The following PAX5 variants were observed in gnomAD, a reference collection of about 807,000 sequenced individuals.
PAX5 encodes paired box 5.
In PAX5, 9 loss-of-function variants were observed where a neutral mutation model predicts 43.7. The observed-to-expected ratio is 0.21, with a 90% CI of 0.12 to 0.36. PAX5 has a LOEUF of 0.36. Among genes scored for constraint, PAX5 ranks in the 10% least tolerant of loss-of-function variants. The pLI, the probability that PAX5 is intolerant of heterozygous loss-of-function variation, is 1.00. For missense variants in PAX5, 383 were observed against 532.7 expected (o/e 0.72, Z 2.77); for synonymous variants, 228 against 214.3 (o/e 1.06, Z -0.56).
Position 36,934,931 on chromosome 9 carries a change from TG to T in PAX5, c.781-11448del, listed in dbSNP as rs1260170153. Reference sequence around the variant, plus strand: ...ATGAACTTGGACAGGTACCATGGCCTGGCTCTTCCAACGGTGCCAGAGGTGC... The same window carrying T: ...ATGAACTTGGACAGGTACCATGGCCTGCTCTTCCAACGGTGCCAGAGGTGC... On this transcript the variant is annotated intron_variant, in intron 6 of 9. Coordinates refer to ENST00000358127, the MANE Select transcript of PAX5 (RefSeq NM_016734.3). Among the ~76,000 whole-genome samples the T allele has an allele frequency of 2.6e-5, 4 of 152,352 alleles. No homozygotes were observed. In the East Asian group the frequency reaches 7.7e-4, roughly 29 times the overall value.
In PAX5 at chr9:36,834,192, G is replaced by A; in HGVS notation, c.*6368C>T. On this transcript the variant is annotated 3_prime_UTR_variant, in exon 10 of 10. Coordinates refer to ENST00000358127, the MANE Select transcript of PAX5 (RefSeq NM_016734.3). ...GAGGCCCAGCAGCTGGGGCTGAGAA[G>A]TGGGGCCCAGGCAACGCCAGGCCCT... The A allele has an allele frequency of 4.3e-6, 1 of 233,338 alleles. No homozygotes were observed. The allele number at this position is 233,338 out of a possible 1,614,324, so 14.5% of individuals were successfully genotyped here. A position where few individuals can be genotyped will look rare whatever the true frequency, so the allele number is the denominator to read the frequency against.
At chr9:36,927,985 C>T (rs1221789427) in intron 6 of PAX5, among the ~76,000 whole-genome samples, 1 of 152,230 alleles carries the variant, frequency 6.6e-6, no homozygotes, top group Non-Finnish European at 1.5e-5. Flanking sequence ...GCTGGGATTA[C>T]AGGCATGAGC....
intron 6 of PAX5, among the ~76,000 whole-genome samples, chr9:36,939,404 G>T (rs1170542111): frequency 6.6e-6 from 1 of 152,132 alleles, no homozygotes; most frequent in Non-Finnish European, 1.5e-5. Context: ...ACCCTGGGTA[G>T]GCCCTGCTGA....
At chr9:36,942,158 G>A (rs1832106143) in intron 6 of PAX5, among the ~76,000 whole-genome samples, 1 of 152,198 alleles carries the variant, frequency 6.6e-6, no homozygotes. Context: ...AAAGGACCCA[G>A]GCCTCCTAGG....
chr9:37,004,179 A>G (rs947347657), intron 4 of PAX5, among the ~76,000 whole-genome samples: 1 of 152,234 alleles, frequency 6.6e-6, no homozygotes, highest in Non-Finnish European at 1.5e-5. Context: ...ATTGTGACTG[A>G]GGCTAGGTCT....
chr9:36,847,584 A>G (rs552445273), intron 8 of PAX5, among the ~76,000 whole-genome samples: 1 of 152,346 alleles, frequency 6.6e-6, no homozygotes, highest in African/African-American at 2.4e-5. Context: ...AGGGGAGCAC[A>G]GAAGAGGGAG....
At chr9:36,979,725 C>T (rs1835750602) in intron 5 of PAX5, among the ~76,000 whole-genome samples, 1 of 152,186 alleles carries the variant, frequency 6.6e-6, no homozygotes, top group African/African-American at 2.4e-5. Flanking sequence ...CCTTGTACCC[C>T]AGTGAGGCCA....
At chr9:37,009,542 C>T (rs117591097) in intron 3 of PAX5, among the ~76,000 whole-genome samples, 1 of 151,814 alleles carries the variant, frequency 6.6e-6, no homozygotes, top group Non-Finnish European at 1.5e-5. Flanking sequence ...AAGCACAAGG[C>T]GAGGGCGGTG....
intron 8 of PAX5, among the ~76,000 whole-genome samples, chr9:36,862,718 C>A (rs897532394): frequency 1.2e-4 from 19 of 152,132 alleles, no homozygotes; most frequent in Admixed American, 3.9e-4. Context: ...CCCGTCTTGG[C>A]CCACAGGTTC....
At chr9:36,933,654 A>G (rs1831312338) in intron 6 of PAX5, among the ~76,000 whole-genome samples, 1 of 152,222 alleles carries the variant, frequency 6.6e-6, no homozygotes, top group Non-Finnish European at 1.5e-5. Flanking sequence ...CCACACACCC[A>G]CTATCCTCCT....
intron 8 of PAX5, among the ~76,000 whole-genome samples, chr9:36,857,993 A>G (rs1587775877): frequency 6.6e-6 from 1 of 152,238 alleles, no homozygotes; most frequent in South Asian, 2.1e-4. Context: ...GAGGTGGTGG[A>G]AAGCCCCTGG....
At chr9:36,848,579 T>C (rs1822829608) in intron 8 of PAX5, among the ~76,000 whole-genome samples, 1 of 151,986 alleles carries the variant, frequency 6.6e-6, no homozygotes, top group South Asian at 2.1e-4. Flanking sequence ...CCTCCTCAGG[T>C]GGGGGAGTAG....
Position 36,833,326 on chromosome 9 carries a change from A to G in PAX5, c.*7234T>C, listed in dbSNP as rs893250084. On this transcript the variant is annotated 3_prime_UTR_variant, in exon 10 of 10. Transcript: ENST00000358127. ...AGGAACCAATAAAATTATGGCAAAT[A>G]TTTACAAATAATTATCTCACATAAA... 8.6e-6 allele frequency: 2 copies of G among 232,862 alleles called. No homozygotes were observed. The highest frequency in any genetic ancestry group is 2.2e-5 in the African/African-American group (1 of 45,340). The allele number at this position is 232,862 out of a possible 1,614,324, so 14.4% of individuals were successfully genotyped here.
At chr9:37,004,350 T>A (rs866450526) in intron 4 of PAX5, among the ~76,000 whole-genome samples, 1 of 152,246 alleles carries the variant, frequency 6.6e-6, no homozygotes, top group South Asian at 2.1e-4. Flanking sequence ...GTGGGAATTC[T>A]TTTTTGATTC....
chr9:36,897,053 G>A (rs1827931343), intron 7 of PAX5, among the ~76,000 whole-genome samples: 1 of 152,220 alleles, frequency 6.6e-6, no homozygotes, highest in Non-Finnish European at 1.5e-5. Flanking sequence ...TCCTTCAGGA[G>A]GACCTAGAAG....
chr9:37,021,590 A>G (rs77324214), intron 1 of PAX5, among the ~76,000 whole-genome samples: 1,890 of 152,316 alleles, frequency 0.012, 25 homozygotes, highest in African/African-American at 0.043. Context: ...GAAAATAAAG[A>G]AACCTACAAA....
chr9:36,964,402 C>T lies in PAX5; in HGVS notation c.780+2147G>A, dbSNP rs147063021. ...TCCGGAGTCCAAGACTAAGCCTGGC[C>T]AACATGGTGAAACCCCATCTCTACT... is the stretch of plus-strand genomic sequence containing the variant. On this transcript the variant is annotated intron_variant, in intron 6 of 9. Coordinates refer to ENST00000358127, the MANE Select transcript of PAX5 (RefSeq NM_016734.3). Among the ~76,000 whole-genome samples the T allele has an allele frequency of 8.0e-3, 1,211 of 151,426 alleles. 4 individuals carry two copies. Among genetic ancestry groups the T allele is most frequent in the Non-Finnish European group, 0.014 (957 of 67,832 alleles).
intron 6 of PAX5, among the ~76,000 whole-genome samples, chr9:36,952,003 A>ATAT (rs1366998872): frequency 6.6e-6 from 1 of 152,148 alleles, no homozygotes; most frequent in African/African-American, 2.4e-5. Context: ...CCAATCTTAC[A>ATAT]TATTATTATT....
chr9:36,859,183 G>A (rs1177901927), intron 8 of PAX5, among the ~76,000 whole-genome samples: 1 of 152,144 alleles, frequency 6.6e-6, no homozygotes, highest in Non-Finnish European at 1.5e-5. Context: ...CAGGCCTGGG[G>A]CTGGAAGAGG....
Sources: gnomAD v4.1 joint callset for allele counts (sites outside exome capture counted in the v4.1 genomes callset) on GRCh38, gnomAD v4.1.1 for gene constraint, MANE v1.5 for transcripts, NCBI Gene and HGNC (gene_info 2026-07-23, HGNC 2026-07-21) for gene names.